AK8: variants seen among roughly 807,000 people sequenced by gnomAD.
AK8 encodes the protein ATP-AMP transphosphorylase 8.
Under a neutral mutation model 54.6 loss-of-function variants are expected in AK8, and 44 were observed. The observed-to-expected ratio is 0.81, with a 90% CI of 0.63 to 1.04. The LOEUF is 1.04. Among genes scored for constraint, AK8 ranks in the 50% least tolerant of loss-of-function variants. AK8 has a pLI of 0.00. For synonymous variants in AK8, 239 were observed against 245.6 expected (o/e 0.97, Z 0.25); for missense variants, 555 against 613.6 (o/e 0.90, Z 1.01).
intron 11 of AK8, among the ~76,000 whole-genome samples, chr9:132,740,712 C>G (rs898608837): frequency 9.2e-6 from 1 of 108,330 alleles, no homozygotes; most frequent in African/African-American, 3.0e-5. Context: ...GAGCTGAGCA[C>G]CCCCCCGCCC....
At position 132,814,700 on chromosome 9, in the gene AK8, G is replaced by C. The variant is rs2131260793; in HGVS notation, c.917C>G (p.Ala306Gly). 1 of 1,614,042 alleles carries C rather than the reference G, an allele frequency of 6.2e-7. No individual in the cohort carries two copies. The highest frequency in any genetic ancestry group is 8.5e-7 in the Non-Finnish European group (1 of 1,180,026). The change falls in exon 10 of 13, where the codon GCT becomes GGT. Residue 306 changes from alanine to glycine, a missense_variant. Coordinates refer to ENST00000298545, the MANE Select transcript of AK8 (RefSeq NM_152572.3). ...NVCCGQLLKEAVADRTTFGEL... is the reference protein window; with the variant it reads ...NVCCGQLLKEGVADRTTFGEL... The stretch of plus-strand genomic sequence containing the variant: ...GCCAAACGTGGTCCTATCTGCCACA[G>C]CCTCTTTCAGCAGTTGCCCACAGCA...
Position 132,823,251 on chromosome 9 carries a change from T to C in AK8, c.843A>G (p.Lys281=), listed in dbSNP as rs1357717030. ...VLLLGPVGSG[K]SLQAALLAQK... is the part of the protein sequence containing the mutation. ...GGGCCAGGAGGGCGGCCTGCAGACT[T>C]TTCCCACTGCCCACAGGCCCGAGCA... Residue 281 remains lysine, a synonymous_variant, in exon 9 of 13, where the codon AAA becomes AAG. Transcript: ENST00000298545. The C allele has an allele frequency of 6.2e-7, 1 of 1,606,798 alleles. No homozygotes were observed. The highest frequency in any genetic ancestry group is 8.5e-7 in the Non-Finnish European group (1 of 1,177,032).
At chr9:132,737,863 C>T (rs1191335929) in intron 11 of AK8, among the ~76,000 whole-genome samples, 1 of 152,142 alleles carries the variant, frequency 6.6e-6, no homozygotes, top group Non-Finnish European at 1.5e-5. Context: ...AACTGTGAGT[C>T]CTGGATTGTA....
At chr9:132,820,965 T>C (rs1841571692) in intron 9 of AK8, among the ~76,000 whole-genome samples, 2 of 152,162 alleles carry the variant, frequency 1.3e-5, no homozygotes, top group South Asian at 4.1e-4. Context: ...AAATGTGAAC[T>C]TTCTGAGATA....
Position 132,866,967 on chromosome 9 carries a change from A to G in AK8, c.170-14T>C. On this transcript the variant is annotated splice_polypyrimidine_tract_variant and intron_variant, in intron 2 of 12. Transcript: ENST00000298545. ...CAATCCTGGGCACTGTGGAATAAAAAGATTTGAATGTCACCACTCAACATG... is the reference window on the plus strand; with the variant it reads ...CAATCCTGGGCACTGTGGAATAAAAGGATTTGAATGTCACCACTCAACATG... 6.2e-7 allele frequency: 1 copy of G among 1,614,010 alleles called. No individual in the cohort carries two copies. Among genetic ancestry groups the G allele is most frequent in the Non-Finnish European group, 8.5e-7 (1 of 1,179,862 alleles).
intron 11 of AK8, among the ~76,000 whole-genome samples, chr9:132,784,764 T>C (rs1039599193): frequency 2.0e-5 from 3 of 152,204 alleles, no homozygotes; most frequent in Admixed American, 1.3e-4. Context: ...TTAGTATCTA[T>C]GTACCCTAGC....
intron 2 of AK8, among the ~76,000 whole-genome samples, chr9:132,869,519 G>A (rs1843724474): frequency 6.6e-6 from 1 of 152,214 alleles, no homozygotes; most frequent in African/African-American, 2.4e-5. Flanking sequence ...CAGGGGAAGC[G>A]CTGGTGGTGG....
At chr9:132,810,368 C>G (rs1326244990) in intron 10 of AK8, among the ~76,000 whole-genome samples, 1 of 142,440 alleles carries the variant, frequency 7.0e-6, no homozygotes, top group East Asian at 2.5e-4. Context: ...TTGCATCCCC[C>G]AAATAACAAA....
chr9:132,728,704 C>T (rs1836688176), intron 11 of AK8, among the ~76,000 whole-genome samples: 1 of 152,082 alleles, frequency 6.6e-6, no homozygotes, highest in African/African-American at 2.4e-5. Flanking sequence ...TCCTCTTTCT[C>T]AAAGGAGCCC....
chr9:132,769,373 C>CTGAATCTGAAGCAAGGTT (rs1838858515), intron 11 of AK8: 1 of 152,224 alleles, frequency 6.6e-6, no homozygotes, highest in Non-Finnish European at 1.5e-5. Flanking sequence ...AAGGTTGACT[C>CTGAATCTGAAGCAAGGTT]GAATCTGAAA....
intron 11 of AK8, among the ~76,000 whole-genome samples, chr9:132,784,175 A>G (rs962265521): frequency 6.6e-6 from 1 of 152,196 alleles, no homozygotes; most frequent in Non-Finnish European, 1.5e-5. Context: ...GGTAGGGGAC[A>G]CAGACAGAGG....
In AK8 at chr9:132,837,394, C is replaced by T. The variant is rs1215063538; in HGVS notation, c.403-8668G>A. Among the ~76,000 whole-genome samples the T allele has an allele frequency of 3.9e-5, 6 of 151,944 alleles. No homozygotes were observed. The East Asian group carries it at 1.2e-3, about 29-fold the overall frequency. Reference sequence around the variant, plus strand: ...TGCTCTGCCCTTCTGCTGTGGGTGCCCTGCTAGCTCTCGGGAGCAGACGTG... The same window carrying T: ...TGCTCTGCCCTTCTGCTGTGGGTGCTCTGCTAGCTCTCGGGAGCAGACGTG... On this transcript the variant is annotated intron_variant, in intron 5 of 12. Coordinates refer to ENST00000298545, the MANE Select transcript of AK8 (RefSeq NM_152572.3). This position sits in a 1 kb window ranked among gnomAD's most constrained non-coding sequence, Gnocchi z 4.3.
At chr9:132,750,858 T>A (rs1384363971) in intron 11 of AK8, among the ~76,000 whole-genome samples, 1 of 151,748 alleles carries the variant, frequency 6.6e-6, no homozygotes, top group Non-Finnish European at 1.5e-5. Context: ...TTTGTGGGGG[T>A]AAAGGTCACC....
intron 5 of AK8, among the ~76,000 whole-genome samples, chr9:132,850,264 G>A (rs1364617226): frequency 1.4e-5 from 2 of 142,934 alleles, no homozygotes; most frequent in Non-Finnish European, 3.0e-5. Context: ...CTGTAGCCCA[G>A]GCTGGAGTGC....
chr9:132,822,393 ATTTG>A (rs1407436161), intron 9 of AK8, among the ~76,000 whole-genome samples: 2 of 149,128 alleles, frequency 1.3e-5, no homozygotes, highest in Non-Finnish European at 3.0e-5. Context: ...GTGTCCATAT[ATTTG>A]TTTGTATTCC....
intron 3 of AK8, among the ~76,000 whole-genome samples, chr9:132,865,125 C>T (rs1393873881): frequency 6.6e-6 from 1 of 152,068 alleles, no homozygotes; most frequent in African/African-American, 2.4e-5. Context: ...TCTGGGAGTC[C>T]CTGGCTTCTA....
intron 11 of AK8, among the ~76,000 whole-genome samples, chr9:132,786,673 T>A (rs965872334): frequency 6.6e-6 from 1 of 152,190 alleles, no homozygotes; most frequent in African/African-American, 2.4e-5. Context: ...GTGGGCTCTT[T>A]CCATGCACTC....
In AK8 at chr9:132,878,013, C is replaced by A. The variant is rs1264133700; in HGVS notation, c.84+159G>T. ...GGAGCGTCCCCAGCTCGAGGGCCCC[C>A]TCGGGGTCACGGCGACACACGAATC... is the stretch of plus-strand genomic sequence containing the variant. On this transcript the variant is annotated intron_variant, in intron 1 of 12. Coordinates refer to ENST00000298545, the MANE Select transcript of AK8 (RefSeq NM_152572.3). The surrounding 1 kb of genome is among the most constrained non-coding windows in gnomAD (Gnocchi z 4.7). The A allele has an allele frequency of 1.3e-6, 2 of 1,525,130 alleles. No individual in the cohort carries two copies. Among genetic ancestry groups the A allele is most frequent in the South Asian group, 1.2e-5 (1 of 82,912 alleles). The allele number at this position is 1,525,130 out of a possible 1,614,324, so 94.5% of individuals were successfully genotyped here. A position where few individuals can be genotyped will look rare whatever the true frequency, so the allele number is the denominator to read the frequency against.
At chr9:132,863,213 C>T (rs1429087460) in intron 4 of AK8, among the ~76,000 whole-genome samples, 8 of 152,348 alleles carry the variant, frequency 5.3e-5, no homozygotes, top group South Asian at 2.1e-4. Context: ...GGGAGGGAGA[C>T]GCCTCTAAGG....
Sources: allele counts gnomAD v4.1 joint callset (sites outside exome capture counted in the v4.1 genomes callset), GRCh38; gene constraint gnomAD v4.1.1; non-coding constraint Gnocchi (gnomAD v3.1); transcripts MANE v1.5; gene names NCBI Gene and HGNC (gene_info 2026-07-23, HGNC 2026-07-21).